SEC14L2: variants seen among roughly 807,000 people sequenced by gnomAD.
SEC14L2 encodes SEC14-like protein 2.
SEC14L2 carries 50 observed loss-of-function variants against 56.9 expected under a neutral mutation model. That is an observed-to-expected ratio of 0.88 (90% CI 0.70 to 1.11). The LOEUF is 1.11. Among genes scored for constraint, SEC14L2 ranks in the 50% most tolerant of loss-of-function variants. The pLI is 0.00. For missense variants in SEC14L2, 414 were observed against 500.7 expected (o/e 0.83, Z 1.65); for synonymous variants, 179 against 188.5 (o/e 0.95, Z 0.41).
chr22:30,413,549 G>A (rs1404589488), intron 8 of SEC14L2, among the ~76,000 whole-genome samples: 7 of 152,076 alleles, frequency 4.6e-5, no homozygotes, highest in African/African-American at 1.2e-4. Flanking sequence ...GTGAGACACC[G>A]TTTCAAAAAC....
In SEC14L2 at chr22:30,424,340, C is replaced by T. The variant is rs543807051; in HGVS notation, c.*1933C>T. 59 of 163,872 alleles carry T rather than the reference C, an allele frequency of 3.6e-4. No homozygotes were observed. Among genetic ancestry groups the T allele is most frequent in the African/African-American group, 1.3e-3 (55 of 41,666 alleles). 10.2% of individuals were successfully genotyped at this position (163,872 alleles called of 1,614,324 possible). ...CATCAACTTTTCTCCCACCCACCAC[C>T]CTCCCCAACCTACAAGCCCAGCTCA... On this transcript the variant is annotated 3_prime_UTR_variant, in exon 12 of 12. Coordinates refer to ENST00000615189, the MANE Select transcript of SEC14L2 (RefSeq NM_012429.5).
intron 2 of SEC14L2, among the ~76,000 whole-genome samples, chr22:30,405,229 G>A (rs981708666): frequency 6.6e-6 from 1 of 152,160 alleles, no homozygotes; most frequent in Non-Finnish European, 1.5e-5. Context: ...GCTTCGTAAA[G>A]TCTCTAAGGA....
chr22:30,416,156 G>A, intron 10 of SEC14L2, 69 bp downstream of exon 10: 2 of 1,609,474 alleles, frequency 1.2e-6, no homozygotes, highest in African/African-American at 2.7e-5. Context: ...GGCTGGAATA[G>A]GAGAAGCCCT....
At chr22:30,407,332 T>C in intron 4 of SEC14L2, 83 bp from the exon 5 acceptor site, 2 of 1,519,386 alleles carry the variant, frequency 1.3e-6, no homozygotes, top group Non-Finnish European at 1.8e-6. Flanking sequence ...AGAAAGATAC[T>C]GATGAACCTG....
intron 11 of SEC14L2, chr22:30,416,775 A>G: frequency 8.0e-7 from 1 of 1,245,024 alleles, no homozygotes; most frequent in East Asian, 3.8e-5. Flanking sequence ...CTGGGTGGGC[A>G]TGGGATCACA....
intron 3 of SEC14L2, among the ~76,000 whole-genome samples, chr22:30,406,802 T>C (rs1056017217): frequency 3.9e-5 from 6 of 152,138 alleles, no homozygotes; most frequent in African/African-American, 1.2e-4. Context: ...CAGGCTGGAG[T>C]GCAGCAGTGG....
intron 7 of SEC14L2, 68 bp downstream of exon 7, chr22:30,409,554 T>C: frequency 7.0e-7 from 1 of 1,432,004 alleles, no homozygotes; most frequent in Non-Finnish European, 9.9e-7. Flanking sequence ...CTGCGGCAGA[T>C]GGAGGGTCAA....
chr22:30,406,649 C>T (rs1246154092), intron 3 of SEC14L2, among the ~76,000 whole-genome samples: 1 of 152,198 alleles, frequency 6.6e-6, no homozygotes, highest in Non-Finnish European at 1.5e-5. Flanking sequence ...CTGCCTAATG[C>T]CTTCTGGTGA....
rs1350403008 is a variant in SEC14L2 at position 30,416,082 on chromosome 22, C to T, written c.906C>T (p.Val302=). Residue 302 remains valine (V), a synonymous_variant, in exon 10 of 12, where the codon GTC becomes GTT. Transcript: ENST00000615189. ...ATGAGATCCTCTTCCCTGGCTGTGTCCTCAGGTAGGGGCCTGGGCCCTTCC... is the reference window on the plus strand; with the variant it reads ...ATGAGATCCTCTTCCCTGGCTGTGTTCTCAGGTAGGGGCCTGGGCCCTTCC... The part of the protein sequence containing the change: ...VEYEILFPGC[V]LRWQFMSDGA... 1 of 1,614,246 alleles carries T rather than the reference C, an allele frequency of 6.2e-7. No individual in the cohort carries two copies. Among genetic ancestry groups the T allele is most frequent in the African/African-American group, 1.3e-5 (1 of 75,072 alleles).
intron 8 of SEC14L2, among the ~76,000 whole-genome samples, chr22:30,411,328 A>T (rs1405321831): frequency 6.6e-6 from 1 of 152,156 alleles, no homozygotes. Context: ...AGTCATAGAG[A>T]GGGTGCCATA....
chr22:30,420,297 A>G (rs1453462594), intron 11 of SEC14L2, among the ~76,000 whole-genome samples: 1 of 152,206 alleles, frequency 6.6e-6, no homozygotes, highest in Non-Finnish European at 1.5e-5. Flanking sequence ...CAGTTACCCA[A>G]CTAAAGTTAA....
intron 5 of SEC14L2, among the ~76,000 whole-genome samples, chr22:30,408,760 C>T (rs558308193): frequency 3.3e-5 from 5 of 152,318 alleles, no homozygotes; most frequent in South Asian, 2.1e-4. Flanking sequence ...GCCTACTGTG[C>T]GCAGAGACCC....
intron 8 of SEC14L2, among the ~76,000 whole-genome samples, chr22:30,412,786 T>C (rs191881408): frequency 1.0e-4 from 15 of 143,538 alleles, no homozygotes; most frequent in Non-Finnish European, 1.7e-4. Context: ...TGGGTGCCAC[T>C]GCACTCCAGC....
chr22:30,398,542 T>C, intron 1 of SEC14L2: 1 of 378,346 alleles, frequency 2.6e-6, no homozygotes, highest in Non-Finnish European at 5.5e-6. Context: ...GGTGTGGCTG[T>C]CCATTGAGGT....
chr22:30,422,169 G>T, intron 11 of SEC14L2, 108 bp from the exon 12 acceptor site: 3 of 1,386,900 alleles, frequency 2.2e-6, no homozygotes, highest in Non-Finnish European at 3.0e-6. Flanking sequence ...TCATCCCCAT[G>T]ACCTGCCACA....
At chr22:30,404,009 C>CAAAAAAAAAAA (rs67366822) in intron 2 of SEC14L2, among the ~76,000 whole-genome samples, 7 of 93,216 alleles carry the variant, frequency 7.5e-5, no homozygotes, top group South Asian at 3.4e-4. Flanking sequence ...GACTCCGTCT[C>CAAAAAAAAAAA]AAAAAAAAAA....
intron 8 of SEC14L2, among the ~76,000 whole-genome samples, chr22:30,413,212 C>A (rs555261618): frequency 9.1e-4 from 138 of 152,176 alleles, no homozygotes; most frequent in African/African-American, 3.0e-3. Context: ...GCAGAGAAAG[C>A]GAACCCAGCA....
chr22:30,409,318 G>A, intron 6 of SEC14L2, 36 bp downstream of exon 6: 2 of 1,604,362 alleles, frequency 1.2e-6, no homozygotes, highest in Non-Finnish European at 1.7e-6. Context: ...GGGACAGAGG[G>A]AAGGGGAGGA....
intron 11 of SEC14L2, among the ~76,000 whole-genome samples, chr22:30,419,640 T>G (rs1934465953): frequency 1.3e-5 from 2 of 152,304 alleles, no homozygotes; most frequent in Admixed American, 6.5e-5. Context: ...GACCAAACAC[T>G]TCCTCTTTAC....
Sources: allele counts gnomAD v4.1 joint callset (sites outside exome capture counted in the v4.1 genomes callset), GRCh38; gene constraint gnomAD v4.1.1; transcripts MANE v1.5; gene names NCBI Gene and HGNC (gene_info 2026-07-23, HGNC 2026-07-21).